The following PLEKHA5 variants were observed in gnomAD, a reference collection of about 807,000 sequenced individuals.
The protein encoded by PLEKHA5 is pleckstrin homology domain-containing family A member 5.
PLEKHA5 carries 55 observed loss-of-function variants against 181.9 expected under a neutral mutation model. The ratio of observed to expected loss-of-function variants is 0.30; its 90% confidence interval spans 0.24 to 0.38. The LOEUF (loss-of-function observed/expected upper bound fraction) is 0.38, where lower values mean the gene tolerates loss of function less well. PLEKHA5 is among the 10% of genes least tolerant of loss of function. PLEKHA5 has a pLI of 1.00. For missense variants in PLEKHA5, 1,432 were observed against 1,549.5 expected (o/e 0.92, Z 1.27); for synonymous variants, 535 against 529.4 (o/e 1.01, Z -0.15).
Position 19,254,034 on chromosome 12 carries a change from A to C in PLEKHA5, c.311+11A>C. 2 of 1,482,198 alleles carry C rather than the reference A, an allele frequency of 1.3e-6. No individual in the cohort carries two copies. Among genetic ancestry groups the C allele is most frequent in the Non-Finnish European group, 1.9e-6 (2 of 1,073,262 alleles). The allele number at this position is 1,482,198 out of a possible 1,614,324, so 91.8% of individuals were successfully genotyped here. On this transcript the variant is annotated intron_variant, in intron 4 of 31. Transcript: ENST00000429027. The stretch of plus-strand genomic sequence containing the variant: ...TGTAGTGAATGAACAGTAAGTAAAG[A>C]GTTTCATGGAATGCCTGTATTCAAA...
chr12:19,170,332 T>C (rs2151647043), intron 3 of PLEKHA5, among the ~76,000 whole-genome samples: 2 of 152,336 alleles, frequency 1.3e-5, no homozygotes, highest in Middle Eastern at 6.8e-3. Context: ...CGCAGATATT[T>C]TGTGTATAAA....
chr12:19,323,235 T>C (rs1432016562), intron 20 of PLEKHA5, among the ~76,000 whole-genome samples: 2 of 151,782 alleles, frequency 1.3e-5, no homozygotes, highest in Non-Finnish European at 2.9e-5. Flanking sequence ...ATTAAGAAAA[T>C]AAGTAGTCTG....
At chr12:19,133,076 G>T (rs771862005) in intron 3 of PLEKHA5, among the ~76,000 whole-genome samples, 8 of 151,924 alleles carry the variant, frequency 5.3e-5, no homozygotes, top group Middle Eastern at 3.4e-3. Context: ...TATTTCATGA[G>T]CATATATTGG....
chr12:19,134,483 A>T (rs896021056), intron 3 of PLEKHA5, among the ~76,000 whole-genome samples: 3 of 152,180 alleles, frequency 2.0e-5, no homozygotes, highest in Admixed American at 1.3e-4. Context: ...TTAAACTTTT[A>T]AAAAAACTAA....
At position 19,170,345 on chromosome 12, in the gene PLEKHA5, A is replaced by C. The variant is rs536627689; in HGVS notation, c.227+37895A>C. ...TCCGCAGATATTTTGTGTATAAATA[A>C]TAAGAATTGAAAGTGTAGGAATGGG... is the stretch of plus-strand genomic sequence containing the variant. On this transcript the variant is annotated intron_variant, in intron 3 of 31. Transcript: ENST00000429027. 3.9e-5 allele frequency among the ~76,000 whole-genome samples: 6 copies of C among 152,330 alleles called. No homozygotes were observed. The East Asian group carries it at 1.2e-3, about 29-fold the overall frequency.
chr12:19,326,674 A>T (rs2092144229), intron 20 of PLEKHA5, among the ~76,000 whole-genome samples: 1 of 152,110 alleles, frequency 6.6e-6, no homozygotes, highest in South Asian at 2.1e-4. Context: ...TGAGCCCATC[A>T]CCCAGGTACC....
chr12:19,306,938 G>T, intron 15 of PLEKHA5: 1 of 966,098 alleles, frequency 1.0e-6, no homozygotes, highest in East Asian at 2.4e-5. Context: ...CTTCTGCTTG[G>T]TGTTGGGCTC....
chr12:19,247,715 G>A (rs2152497119), intron 3 of PLEKHA5, among the ~76,000 whole-genome samples: 1 of 151,060 alleles, frequency 6.6e-6, no homozygotes, highest in East Asian at 1.9e-4. Context: ...CAAGCAATCT[G>A]TGTTGCTATT....
intron 3 of PLEKHA5, among the ~76,000 whole-genome samples, chr12:19,208,638 A>G (rs1174859009): frequency 2.0e-5 from 3 of 152,178 alleles, no homozygotes; most frequent in African/African-American, 7.2e-5. Context: ...TAATTTAAAT[A>G]GCAGTTTTCT....
At chr12:19,267,250 TGGTTAACA>T (rs2070769242) in intron 8 of PLEKHA5, among the ~76,000 whole-genome samples, 5 of 152,326 alleles carry the variant, frequency 3.3e-5, no homozygotes, top group Middle Eastern at 3.4e-3. Context: ...GAAGTGCTGC[TGGTTAACA>T]ATGAACATGT....
intron 3 of PLEKHA5, among the ~76,000 whole-genome samples, chr12:19,251,278 C>T (rs991696749): frequency 2.6e-5 from 4 of 151,704 alleles, no homozygotes; most frequent in East Asian, 1.9e-4. Context: ...TGGTGACACA[C>T]GCTCGTAATC....
At chr12:19,243,334 T>G (rs2063031920) in intron 3 of PLEKHA5, 2 of 152,248 alleles carry the variant, frequency 1.3e-5, no homozygotes, top group African/African-American at 4.8e-5. Flanking sequence ...TCTGGCAACT[T>G]TCTAAATGCT....
At chr12:19,337,120 T>C (rs1372018695) in intron 21 of PLEKHA5, among the ~76,000 whole-genome samples, 1 of 151,332 alleles carries the variant, frequency 6.6e-6, no homozygotes, top group Non-Finnish European at 1.5e-5. Context: ...CCCGAGTAGC[T>C]GGGATCACAG....
intron 15 of PLEKHA5, among the ~76,000 whole-genome samples, chr12:19,295,691 GT>G (rs1653321772): frequency 6.6e-6 from 1 of 152,144 alleles, no homozygotes. Flanking sequence ...GGAGTAACAG[GT>G]TTCCATAGGA....
At chr12:19,160,053 A>AT (rs2042610550) in intron 3 of PLEKHA5, among the ~76,000 whole-genome samples, 1 of 152,036 alleles carries the variant, frequency 6.6e-6, no homozygotes. Context: ...TATAGCTCTC[A>AT]TTTTAGTTAA....
intron 3 of PLEKHA5, among the ~76,000 whole-genome samples, chr12:19,140,492 G>A (rs2036943216): frequency 6.6e-6 from 1 of 152,138 alleles, no homozygotes; most frequent in Non-Finnish European, 1.5e-5. Flanking sequence ...AACTACTTAG[G>A]AATTATGCTC....
intron 3 of PLEKHA5, among the ~76,000 whole-genome samples, chr12:19,189,347 G>A (rs1430211950): frequency 1.3e-5 from 2 of 152,208 alleles, no homozygotes; most frequent in African/African-American, 4.8e-5. Context: ...GTAAATAGAT[G>A]AAGAAAGTGT....
intron 12 of PLEKHA5, among the ~76,000 whole-genome samples, chr12:19,285,795 T>C (rs2077092101): frequency 6.6e-6 from 1 of 152,236 alleles, no homozygotes; most frequent in Admixed American, 6.5e-5. Context: ...TTGTTACATA[T>C]TCTTTTACTA....
chr12:19,213,984 ATAT>A (rs1459855224), intron 3 of PLEKHA5, among the ~76,000 whole-genome samples: 2 of 152,204 alleles, frequency 1.3e-5, no homozygotes, highest in Non-Finnish European at 2.9e-5. Context: ...GATAATACTA[ATAT>A]TATCAGAGCA....
Sources: allele counts gnomAD v4.1 joint callset (sites outside exome capture counted in the v4.1 genomes callset), GRCh38; gene constraint gnomAD v4.1.1; transcripts MANE v1.5; gene names NCBI Gene and HGNC (gene_info 2026-07-23, HGNC 2026-07-21).